ABCC1: variants seen among roughly 807,000 people sequenced by gnomAD.
ABCC1 encodes the protein multidrug resistance-associated protein 1.
Under a neutral mutation model 172.9 loss-of-function variants are expected in ABCC1, and 83 were observed. The observed-to-expected ratio is 0.48, with a 90% CI of 0.40 to 0.58. ABCC1 has a LOEUF of 0.58. Among genes scored for constraint, ABCC1 ranks in the 20% least tolerant of loss-of-function variants. The pLI is 0.00. For missense variants in ABCC1, 1,817 were observed against 2,002.7 expected (o/e 0.91, Z 1.77); for synonymous variants, 937 against 825.2 (o/e 1.14, Z -2.32).
intron 12 of ABCC1, among the ~76,000 whole-genome samples, chr16:16,056,771 C>T (rs1045605599): frequency 6.6e-6 from 1 of 152,148 alleles, no homozygotes; most frequent in African/African-American, 2.4e-5. Flanking sequence ...TCACACTTAG[C>T]AGCTTCTAGC....
intron 1 of ABCC1, among the ~76,000 whole-genome samples, chr16:15,952,649 C>T (rs1249689977): frequency 2.2e-5 from 3 of 137,186 alleles, no homozygotes; most frequent in African/African-American, 5.6e-5. Context: ...TGGTAGGAGG[C>T]GCTGCTTTGT....
chr16:16,114,859 G>T lies in ABCC1; in HGVS notation c.3173G>T (p.Arg1058Leu). Residue 1058 changes from arginine (R) to leucine (L), a missense_variant, in exon 23 of 31, where the codon CGG becomes CTG. Physicochemically the swap from Arg to Leu is moderately radical, Grantham distance 102. Transcript: ENST00000399410. ...GTGGACCTGCTGCACAGCATCCTGC[G>T]GTCACCCATGAGCTTCTTTGAGCGG... ...LHVDLLHSIL[R>L]SPMSFFERTP... 1 of 1,613,852 alleles carries T rather than the reference G, an allele frequency of 6.2e-7. No homozygotes were observed. Among genetic ancestry groups the T allele is most frequent in the African/African-American group, 1.3e-5 (1 of 75,024 alleles).
At chr16:15,997,225 G>T (rs777659179) in intron 1 of ABCC1, among the ~76,000 whole-genome samples, 2 of 151,754 alleles carry the variant, frequency 1.3e-5, no homozygotes, top group Non-Finnish European at 2.9e-5. Context: ...TCACGTAGCC[G>T]GGACTCAGGC....
chr16:16,038,746 C>A (rs1348983127), intron 7 of ABCC1, among the ~76,000 whole-genome samples: 1 of 152,208 alleles, frequency 6.6e-6, no homozygotes, highest in African/African-American at 2.4e-5. Flanking sequence ...CAGCATCCCC[C>A]CCGCTAAGCA....
At chr16:16,065,121 CAGTG>C (rs1481134957) in intron 12 of ABCC1, among the ~76,000 whole-genome samples, 1 of 152,174 alleles carries the variant, frequency 6.6e-6, no homozygotes, top group Admixed American at 6.6e-5. Context: ...GAGGCTGAAA[CAGTG>C]GGAGTGAGGG....
chr16:16,064,833 A>G (rs2151941474), intron 12 of ABCC1, among the ~76,000 whole-genome samples: 1 of 152,372 alleles, frequency 6.6e-6, no homozygotes, highest in South Asian at 2.1e-4. Flanking sequence ...CAGTCATGGA[A>G]CATTCATTTT....
rs71388788 is a variant in ABCC1 at position 16,007,214 on chromosome 16, TTGTG to T, written c.49-575_49-572del. Among the ~76,000 whole-genome samples the T allele has an allele frequency of 2.2e-3, 319 of 145,856 alleles. 1 individual carries two copies. The highest frequency in any genetic ancestry group is 5.4e-3 in the African/African-American group (209 of 38,876). On this transcript the variant is annotated intron_variant, in intron 1 of 30. Coordinates refer to ENST00000399410, the MANE Select transcript of ABCC1 (RefSeq NM_004996.4). ...TGGGTTTTTTTGTGTGTATGCACTG[TTGTG>T]TGTGTGTGTGTGTGTGTGTGTGTGT...
chr16:15,959,540 T>G (rs1333644678), intron 1 of ABCC1, among the ~76,000 whole-genome samples: 1 of 151,964 alleles, frequency 6.6e-6, no homozygotes, highest in Non-Finnish European at 1.5e-5. Context: ...TGCCCAGGCT[T>G]GTCTCAAACT....
chr16:15,965,771 A>G (rs2046228957), intron 1 of ABCC1, among the ~76,000 whole-genome samples: 1 of 148,654 alleles, frequency 6.7e-6, no homozygotes, highest in African/African-American at 2.5e-5. Context: ...TAATTTTTGT[A>G]TTTTCAGTAG....
chr16:16,135,012 C>T (rs1414359988), intron 28 of ABCC1, among the ~76,000 whole-genome samples: 4 of 152,128 alleles, frequency 2.6e-5, no homozygotes, highest in Admixed American at 6.5e-5. Context: ...TGATTAACAA[C>T]GTGGGAATTA....
At position 16,083,466 on chromosome 16, in the gene ABCC1, C is replaced by T; in HGVS notation, c.2216C>T (p.Ser739Phe). The T allele has an allele frequency of 6.2e-7, 1 of 1,613,992 alleles. No homozygotes were observed. Among genetic ancestry groups the T allele is most frequent in the Non-Finnish European group, 8.5e-7 (1 of 1,180,058 alleles). Residue 739 changes from serine (S) to phenylalanine (F), a missense_variant, in exon 17 of 31, where the codon TCC becomes TTC. Ser to Phe is a radical substitution (Grantham distance 155). This residue lies in a region of ABCC1 where 1,412 missense variants were observed against 1,600.3 expected (regional missense o/e 0.88). Transcript: ENST00000399410. ...CAGCTGGAGGAACCATATTACAGGT[C>T]CGTGATACAGGCCTGTGCCCTCCTC... Reference protein sequence around the residue: ...GCQLEEPYYRSVIQACALLPD... With the variant: ...GCQLEEPYYRFVIQACALLPD...
At chr16:16,082,480 A>T (rs1002033208) in intron 16 of ABCC1, among the ~76,000 whole-genome samples, 1 of 152,210 alleles carries the variant, frequency 6.6e-6, no homozygotes, top group African/African-American at 2.4e-5. Context: ...AAATACACAA[A>T]ACAAATATCC....
chr16:15,984,546 G>A (rs1029350832), intron 1 of ABCC1, among the ~76,000 whole-genome samples: 7 of 150,580 alleles, frequency 4.6e-5, no homozygotes, highest in Admixed American at 6.7e-5. Context: ...AGTTTCAAGC[G>A]ATTCTCCTGC....
chr16:15,980,302 C>G (rs112645270), intron 1 of ABCC1, among the ~76,000 whole-genome samples: 3,413 of 152,148 alleles, frequency 0.022, 152 homozygotes, highest in African/African-American at 0.078. Context: ...CCCAGGAGTT[C>G]GAGACCAGCC....
chr16:16,049,908 G>C (rs2049358288), intron 10 of ABCC1, among the ~76,000 whole-genome samples: 1 of 151,938 alleles, frequency 6.6e-6, no homozygotes, highest in South Asian at 2.1e-4. Context: ...TGGCTAGGCT[G>C]ATCTTGAACT....
chr16:15,958,103 T>C (rs1011790482), intron 1 of ABCC1, among the ~76,000 whole-genome samples: 7 of 152,030 alleles, frequency 4.6e-5, no homozygotes, highest in African/African-American at 1.7e-4. Context: ...TTGCCTTTGT[T>C]TTATTTTATA....
Position 15,973,765 on chromosome 16 carries a change from C to T in ABCC1, c.48+23966C>T, listed in dbSNP as rs966275845. ...CCAAGGCTGGAGAATGGCTTGAGCC[C>T]AGGAGTTTGAAACCAGCCTGGGCAA... On this transcript the variant is annotated intron_variant, in intron 1 of 30. Coordinates refer to ENST00000399410, the MANE Select transcript of ABCC1 (RefSeq NM_004996.4). 2.6e-5 allele frequency among the ~76,000 whole-genome samples: 4 copies of T among 151,734 alleles called. No homozygotes were observed. In the East Asian group the frequency reaches 7.8e-4, roughly 29 times the overall value.
At chr16:16,038,525 G>A (rs369948069) in intron 7 of ABCC1, among the ~76,000 whole-genome samples, 1 of 152,098 alleles carries the variant, frequency 6.6e-6, no homozygotes, top group Non-Finnish European at 1.5e-5. Flanking sequence ...TGTTGTGTCC[G>A]GACCCTCTGC....
At chr16:16,085,536 T>C (rs2050973821) in intron 17 of ABCC1, among the ~76,000 whole-genome samples, 1 of 152,192 alleles carries the variant, frequency 6.6e-6, no homozygotes, top group Admixed American at 6.5e-5. Flanking sequence ...TCCCAGCACT[T>C]TGGGAGACCA....
Sources: allele counts gnomAD v4.1 joint callset (sites outside exome capture counted in the v4.1 genomes callset), GRCh38; gene constraint gnomAD v4.1.1; regional missense constraint gnomAD v4.1.1; transcripts MANE v1.5; gene names NCBI Gene and HGNC (gene_info 2026-07-23, HGNC 2026-07-21).